ARHGAP15: variants seen among roughly 807,000 people sequenced by gnomAD.
The protein encoded by ARHGAP15 is Rho GTPase activating protein 15.
ARHGAP15 carries 51 observed loss-of-function variants against 63.7 expected under a neutral mutation model. The ratio of observed to expected loss-of-function variants is 0.80; its 90% CI spans 0.64 to 1.01. The LOEUF (loss-of-function observed/expected upper bound fraction) is 1.01. ARHGAP15 is among the 50% of genes least tolerant of loss of function. The probability of loss-of-function intolerance (pLI) is 0.00; values close to 1 mark genes in which losing one functional copy is unlikely to be tolerated. For missense variants in ARHGAP15, 560 were observed against 564.6 expected, an observed-to-expected ratio of 0.99 and a Z score of 0.08; for synonymous variants, 191 against 193.8, an observed-to-expected ratio of 0.99 and a Z score of 0.12.
chr2:143,405,560 C>T (rs1209363430), intron 6 of ARHGAP15, among the ~76,000 whole-genome samples: 3 of 151,752 alleles, frequency 2.0e-5, no homozygotes, highest in African/African-American at 7.2e-5. Context: ...TCTTCTGTCA[C>T]TCTAATTCTC....
At chr2:143,685,182 C>T (rs1021846525) in intron 12 of ARHGAP15, among the ~76,000 whole-genome samples, 8 of 151,298 alleles carry the variant, frequency 5.3e-5, no homozygotes, top group African/African-American at 1.9e-4. Context: ...GGGGGGTGGG[C>T]TTGTAGGGTG....
intron 10 of ARHGAP15, among the ~76,000 whole-genome samples, chr2:143,542,862 CAT>C (rs1163687475): frequency 7.2e-6 from 1 of 139,690 alleles, no homozygotes; most frequent in Non-Finnish European, 1.5e-5. Flanking sequence ...TATAATATCA[CAT>C]ATATAGTATA....
At chr2:143,651,176 A>G (rs563712088) in intron 12 of ARHGAP15, among the ~76,000 whole-genome samples, 42 of 152,118 alleles carry the variant, frequency 2.8e-4, no homozygotes, top group African/African-American at 9.9e-4. Flanking sequence ...AATAAAAGCT[A>G]TAGTAATACA....
In ARHGAP15 at chr2:143,424,330, G is replaced by A. The variant is rs980345783; in HGVS notation, c.475-11271G>A. ...GTCAGACCAGAAGTCACATTGGTCC[G>A]AATTGCAATAGAGTTACACATTAGG... is the stretch of plus-strand genomic sequence containing the variant. On this transcript the variant is annotated intron_variant, in intron 6 of 13. Coordinates refer to ENST00000295095, the MANE Select transcript of ARHGAP15 (RefSeq NM_018460.4). Among the ~76,000 whole-genome samples, 20 of 152,118 alleles carry A rather than the reference G, an allele frequency of 1.3e-4. No individual in the cohort carries two copies. The South Asian group carries it at 2.7e-3, about 21-fold the overall frequency.
chr2:143,707,307 C>T (rs1378599515), intron 13 of ARHGAP15, among the ~76,000 whole-genome samples: 2 of 152,152 alleles, frequency 1.3e-5, no homozygotes, highest in African/African-American at 4.8e-5. Context: ...CTCCCATATC[C>T]AGTCAGCCAT....
At chr2:143,256,777 T>C (rs1376536864) in intron 6 of ARHGAP15, among the ~76,000 whole-genome samples, 1 of 152,036 alleles carries the variant, frequency 6.6e-6, no homozygotes, top group East Asian at 1.9e-4. Context: ...ATTAGAGATT[T>C]GATTTAAGAA....
chr2:143,211,598 G>C (rs1452464559), intron 3 of ARHGAP15, among the ~76,000 whole-genome samples: 1 of 152,074 alleles, frequency 6.6e-6, no homozygotes, highest in Admixed American at 6.6e-5. Context: ...GTTATAGAGA[G>C]ATGATGCAGA....
At chr2:143,419,014 G>T (rs1015883350) in intron 6 of ARHGAP15, among the ~76,000 whole-genome samples, 6 of 152,068 alleles carry the variant, frequency 3.9e-5, no homozygotes, top group African/African-American at 2.4e-5. Context: ...TTCATTAAAA[G>T]TGCCATTCAA....
At chr2:143,480,117 T>C (rs1219770202) in intron 8 of ARHGAP15, among the ~76,000 whole-genome samples, 1 of 152,212 alleles carries the variant, frequency 6.6e-6, no homozygotes, top group Admixed American at 6.5e-5. Context: ...TCAATGTAGA[T>C]ACACCTAAGA....
intron 6 of ARHGAP15, among the ~76,000 whole-genome samples, chr2:143,411,847 C>G (rs35645933): frequency 0.2 from 29,791 of 152,092 alleles, 3,532 homozygotes; most frequent in East Asian, 0.49. Context: ...TATATACTCT[C>G]TTACCTTTTA....
At chr2:143,673,758 G>GTGTGTATATA (rs1553520615) in intron 12 of ARHGAP15, among the ~76,000 whole-genome samples, 231 of 22,114 alleles carry the variant, frequency 0.01, 4 homozygotes, top group African/African-American at 0.018. Context: ...GTGTGTGTGT[G>GTGTGTATATA]TATATATATA....
chr2:143,752,290 C>A (rs1303911866), intron 13 of ARHGAP15, among the ~76,000 whole-genome samples: 2 of 152,194 alleles, frequency 1.3e-5, no homozygotes, highest in Admixed American at 6.5e-5. Context: ...TAATCACATA[C>A]AACTTTTCTG....
rs1040276529 is a variant in ARHGAP15, at chr2:143,335,478, G to T, written c.474+84878G>T. Among the ~76,000 whole-genome samples the T allele has an allele frequency of 1.2e-4, 18 of 152,076 alleles. 1 individual carries two copies. The highest frequency in any genetic ancestry group is 8.5e-4 in the Admixed American group (13 of 15,268). The stretch of plus-strand genomic sequence containing the variant: ...GTAGTCCCCCTTCTTGCATAGTTTT[G>T]TTTGGGATTCTGCAAATTTCTGTAT... On this transcript the variant is annotated intron_variant, in intron 6 of 13. Transcript: ENST00000295095.
intron 13 of ARHGAP15, among the ~76,000 whole-genome samples, chr2:143,754,123 T>C (rs1244926049): frequency 1.3e-5 from 2 of 152,108 alleles, no homozygotes; most frequent in Non-Finnish European, 2.9e-5. Context: ...CTTCCAGATT[T>C]TTTCTGGTGA....
At chr2:143,543,502 T>C (rs796280695) in intron 10 of ARHGAP15, among the ~76,000 whole-genome samples, 4 of 152,180 alleles carry the variant, frequency 2.6e-5, no homozygotes, top group African/African-American at 9.7e-5. Context: ...TTCTATAGGT[T>C]GCCACTCCAC....
At chr2:143,423,081 C>T (rs771218056) in intron 6 of ARHGAP15, among the ~76,000 whole-genome samples, 12 of 152,050 alleles carry the variant, frequency 7.9e-5, no homozygotes. Context: ...AGGAAAAGAT[C>T]AGGAACCAGA....
At chr2:143,625,257 G>T (rs73961816) in intron 12 of ARHGAP15, among the ~76,000 whole-genome samples, 66 of 152,164 alleles carry the variant, frequency 4.3e-4, no homozygotes, top group African/African-American at 1.5e-3. Context: ...TGGATGGCTG[G>T]GTATGAAGTG....
At chr2:143,413,750 A>G (rs1558954602) in intron 6 of ARHGAP15, among the ~76,000 whole-genome samples, 1 of 152,126 alleles carries the variant, frequency 6.6e-6, no homozygotes. Context: ...TTGGTATTAC[A>G]GGCATGAGCC....
intron 12 of ARHGAP15, among the ~76,000 whole-genome samples, chr2:143,665,094 G>C (rs1682083333): frequency 6.6e-6 from 1 of 151,784 alleles, no homozygotes; most frequent in African/African-American, 2.4e-5. Flanking sequence ...TGATACCAAA[G>C]CCTGGCAGAG....
Sources: gnomAD v4.1 joint callset for allele counts (sites outside exome capture counted in the v4.1 genomes callset) on GRCh38, gnomAD v4.1.1 for gene constraint, MANE v1.5 for transcripts, NCBI Gene and HGNC (gene_info 2026-07-23, HGNC 2026-07-21) for gene names.